Variants in OPCML observed in about 807,000 individuals in gnomAD.
OPCML encodes the protein opioid binding protein/cell adhesion molecule like.
Under a neutral mutation model 37.8 loss-of-function variants are expected in OPCML, and 13 were observed. The observed-to-expected ratio is 0.34, with a 90% confidence interval of 0.22 to 0.55. The LOEUF is 0.55. Ranked by LOEUF, OPCML falls within the 20% of genes least tolerant of loss-of-function variation. OPCML has a pLI of 0.91. For missense variants in OPCML, 341 were observed against 435.6 expected (o/e 0.78, Z 1.93); for synonymous variants, 176 against 168.8 (o/e 1.04, Z -0.33).
intron 3 of OPCML, among the ~76,000 whole-genome samples, chr11:132,648,556 G>A (rs1335425069): frequency 1.4e-5 from 2 of 140,688 alleles, no homozygotes; most frequent in Admixed American, 1.5e-4. Flanking sequence ...GTCTTGCTCT[G>A]TCACCCAGGC....
intron 1 of OPCML, among the ~76,000 whole-genome samples, chr11:133,474,994 C>A (rs1354232736): frequency 6.6e-6 from 1 of 152,144 alleles, no homozygotes; most frequent in Non-Finnish European, 1.5e-5. Flanking sequence ...AGGCACCTAC[C>A]ACGGTTACCA....
rs572918473 is a variant in OPCML at position 133,233,225 on chromosome 11, G to C, written c.62-290215C>G. Among the ~76,000 whole-genome samples the C allele has an allele frequency of 2.0e-4, 30 of 152,324 alleles. No individual in the cohort carries two copies. In the South Asian group the frequency reaches 5.0e-3, roughly 25 times the overall value. On this transcript the variant is annotated intron_variant, in intron 1 of 7. Coordinates refer to ENST00000524381, the MANE Select transcript of OPCML (RefSeq NM_001012393.5). Reference sequence around the variant, plus strand: ...GGAGAAGATGCAACTGCACCTCCCAGCTGCTATACCACCCTTTGTAGGAAG... The same window carrying C: ...GGAGAAGATGCAACTGCACCTCCCACCTGCTATACCACCCTTTGTAGGAAG...
intron 7 of OPCML, among the ~76,000 whole-genome samples, chr11:132,430,996 C>A (rs1015460369): frequency 6.6e-6 from 1 of 152,172 alleles, no homozygotes; most frequent in Non-Finnish European, 1.5e-5. Context: ...CCACAAGGGA[C>A]AGAGCTGTGG....
At chr11:133,482,372 G>T (rs12789494) in intron 1 of OPCML, among the ~76,000 whole-genome samples, 32,835 of 152,046 alleles carry the variant, frequency 0.22, 4,018 homozygotes, top group African/African-American at 0.29. Context: ...AGCATATCTG[G>T]TTCACCGGTT....
At chr11:133,089,003 A>G (rs1948862669) in intron 1 of OPCML, among the ~76,000 whole-genome samples, 1 of 152,234 alleles carries the variant, frequency 6.6e-6, no homozygotes, top group South Asian at 2.1e-4. Flanking sequence ...TAGTTTCTAG[A>G]TGAACCCGCT....
At chr11:132,823,259 CTTCCCAGTAGAACCTCAT>C (rs1454760500) in intron 2 of OPCML, among the ~76,000 whole-genome samples, 3 of 152,146 alleles carry the variant, frequency 2.0e-5, no homozygotes, top group African/African-American at 7.2e-5. Flanking sequence ...CCATCCCTTC[CTTCCCAGTAGAACCTCAT>C]TTCATAAGCT....
At chr11:133,317,680 T>G (rs1943238083) in intron 1 of OPCML, among the ~76,000 whole-genome samples, 1 of 152,238 alleles carries the variant, frequency 6.6e-6, no homozygotes, top group South Asian at 2.1e-4. Context: ...GCCTATTGGC[T>G]CTGCCTGACC....
chr11:132,778,786 G>A (rs557606430), intron 2 of OPCML, among the ~76,000 whole-genome samples: 2 of 152,180 alleles, frequency 1.3e-5, no homozygotes, highest in South Asian at 4.2e-4. Context: ...TATGTCCAAA[G>A]TCATAGGCTC....
chr11:132,494,466 G>A (rs962771421), intron 4 of OPCML, among the ~76,000 whole-genome samples: 1 of 151,896 alleles, frequency 6.6e-6, no homozygotes, highest in African/African-American at 2.4e-5. Context: ...AGAAAAACAG[G>A]GATTTCTTCC....
chr11:133,370,541 T>C lies in OPCML; in HGVS notation c.61+161723A>G, dbSNP rs571604368. Among the ~76,000 whole-genome samples the C allele has an allele frequency of 3.1e-3, 460 of 148,928 alleles. 2 individuals carry two copies. Among genetic ancestry groups the C allele is most frequent in the African/African-American group, 9.9e-3 (403 of 40,794 alleles). ...AAATTTAACCAAGAAGGTGAAAGATTTCTACCAGGAAAACTGCAAAACATT... is the reference window on the plus strand; with the variant it reads ...AAATTTAACCAAGAAGGTGAAAGATCTCTACCAGGAAAACTGCAAAACATT... On this transcript the variant is annotated intron_variant, in intron 1 of 7. Transcript: ENST00000524381.
At chr11:133,250,319 A>G (rs990030943) in intron 1 of OPCML, among the ~76,000 whole-genome samples, 1 of 152,174 alleles carries the variant, frequency 6.6e-6, no homozygotes, top group Admixed American at 6.5e-5. Context: ...CTATAATTCT[A>G]TATCAGCCAA....
At chr11:133,217,753 C>A (rs892070134) in intron 1 of OPCML, among the ~76,000 whole-genome samples, 8 of 152,178 alleles carry the variant, frequency 5.3e-5, no homozygotes, top group Non-Finnish European at 7.3e-5. Context: ...CAGGTTCCTG[C>A]CAAAGAAGTT....
intron 2 of OPCML, among the ~76,000 whole-genome samples, chr11:132,674,943 G>T (rs1299644406): frequency 1.3e-5 from 2 of 152,070 alleles, no homozygotes; most frequent in Admixed American, 6.5e-5. Context: ...ATGTCATTTT[G>T]TGAATAAGCT....
chr11:132,696,442 G>C (rs1236312607), intron 2 of OPCML, among the ~76,000 whole-genome samples: 1 of 152,092 alleles, frequency 6.6e-6, no homozygotes, highest in Non-Finnish European at 1.5e-5. Context: ...ACAGGGAACA[G>C]GAGAAAGTAT....
chr11:133,242,139 T>A (rs139996773), intron 1 of OPCML, among the ~76,000 whole-genome samples: 1 of 152,182 alleles, frequency 6.6e-6, no homozygotes, highest in South Asian at 2.1e-4. Context: ...CGAAGATGTA[T>A]TGAGCCCCTG....
chr11:133,408,420 G>A (rs1160860915), intron 1 of OPCML, among the ~76,000 whole-genome samples: 1 of 152,192 alleles, frequency 6.6e-6, no homozygotes, highest in East Asian at 1.9e-4. Context: ...CGGGCTTGCT[G>A]AGCACTTTCA....
chr11:133,506,511 C>T (rs1447269420), intron 1 of OPCML, among the ~76,000 whole-genome samples: 1 of 152,188 alleles, frequency 6.6e-6, no homozygotes, highest in Non-Finnish European at 1.5e-5. Flanking sequence ...TGCCTCTGCT[C>T]CTCTACCTGC....
chr11:132,966,291 C>T (rs1946212905), intron 1 of OPCML, among the ~76,000 whole-genome samples: 1 of 151,990 alleles, frequency 6.6e-6, no homozygotes, highest in Non-Finnish European at 1.5e-5. Context: ...TTTCTTTGAT[C>T]ATTGGTATTT....
intron 2 of OPCML, among the ~76,000 whole-genome samples, chr11:132,853,109 C>T (rs933147212): frequency 2.0e-4 from 31 of 152,052 alleles, no homozygotes; most frequent in Non-Finnish European, 4.0e-4. Flanking sequence ...TATAGTTATT[C>T]AGAATTGGTA....
Sources: gnomAD v4.1 joint callset for allele counts (sites outside exome capture counted in the v4.1 genomes callset) on GRCh38, gnomAD v4.1.1 for gene constraint, MANE v1.5 for transcripts, NCBI Gene and HGNC (gene_info 2026-07-23, HGNC 2026-07-21) for gene names.